GRB10: variants seen among roughly 807,000 people sequenced by gnomAD.
GRB10 encodes the protein growth factor receptor-bound protein 10.
A neutral mutation model predicts 80.9 loss-of-function variants in GRB10; 20 were observed. The ratio of observed to expected loss-of-function variants is 0.25; its 90% CI spans 0.17 to 0.36. The LOEUF (loss-of-function observed/expected upper bound fraction) is 0.36, where lower values mean the gene tolerates loss of function less well. Ranked by LOEUF, GRB10 falls within the 10% of genes least tolerant of loss-of-function variation. The pLI is 1.00. For missense variants in GRB10, 548 were observed against 747.7 expected (o/e 0.73, Z 3.12); for synonymous variants, 291 against 291.5 (o/e 1.00, Z 0.02).
upstream of GRB10, among the ~76,000 whole-genome samples, chr7:50,785,507 GT>G (rs1302159755): frequency 6.6e-6 from 1 of 152,216 alleles, no homozygotes; most frequent in African/African-American, 2.4e-5. Context: ...CTGGCCCATG[GT>G]GACGGGCACT....
intron 4 of GRB10, among the ~76,000 whole-genome samples, chr7:50,722,508 C>G (rs2067920719): frequency 6.6e-6 from 1 of 152,138 alleles, no homozygotes; most frequent in Non-Finnish European, 1.5e-5. Context: ...TCCCATCTGC[C>G]AGGAGAACAT....
intron 5 of GRB10, among the ~76,000 whole-genome samples, chr7:50,676,345 G>A (rs570716344): frequency 1.3e-5 from 2 of 149,140 alleles, no homozygotes; most frequent in Non-Finnish European, 3.0e-5. Context: ...CGGGGGGGGG[G>A]GGGGGTTGTA....
intron 2 of GRB10, among the ~76,000 whole-genome samples, chr7:50,757,030 C>T (rs1183073900): frequency 2.0e-5 from 3 of 152,130 alleles, no homozygotes; most frequent in Non-Finnish European, 4.4e-5. Flanking sequence ...AATTGTTAAA[C>T]GGTGAAAATG....
chr7:50,630,876 G>A (rs1055480420), intron 7 of GRB10, among the ~76,000 whole-genome samples: 6 of 152,154 alleles, frequency 3.9e-5, no homozygotes, highest in African/African-American at 1.4e-4. Flanking sequence ...GCTAATAGAA[G>A]GTTCCACTGT....
intron 7 of GRB10, among the ~76,000 whole-genome samples, chr7:50,644,733 C>T (rs1173166837): frequency 6.6e-6 from 1 of 152,174 alleles, no homozygotes; most frequent in Non-Finnish European, 1.5e-5. Context: ...GGGACATCAG[C>T]CTCTACACAG....
chr7:50,677,405 C>A (rs2061073284), intron 5 of GRB10, among the ~76,000 whole-genome samples: 1 of 152,256 alleles, frequency 6.6e-6, no homozygotes, highest in South Asian at 2.1e-4. Flanking sequence ...CTGAGCTACC[C>A]GAGGCCCAGA....
chr7:50,770,613 T>C (rs2076893097), intron 2 of GRB10, among the ~76,000 whole-genome samples: 1 of 152,206 alleles, frequency 6.6e-6, no homozygotes, highest in Non-Finnish European at 1.5e-5. Context: ...GTCCCTTGCA[T>C]TCCGTCGCGA....
Position 50,760,191 on chromosome 7 carries a change from C to T in GRB10, c.-216-4135G>A, listed in dbSNP as rs76091324. On this transcript the variant is annotated intron_variant, in intron 2 of 18. Coordinates refer to ENST00000401949, the MANE Select transcript of GRB10 (RefSeq NM_001350814.2). ...TAAAACTAGCCAAAGGCCAGCAGAGCGGTGAGAGGCAGGATAAATATACAT... is the reference window on the plus strand; with the variant it reads ...TAAAACTAGCCAAAGGCCAGCAGAGTGGTGAGAGGCAGGATAAATATACAT... Among the ~76,000 whole-genome samples the T allele has an allele frequency of 3.5e-3, 530 of 152,292 alleles. 1 individual carries two copies. The highest frequency in any genetic ancestry group is 0.012 in the African/African-American group (518 of 41,550).
intron 4 of GRB10, among the ~76,000 whole-genome samples, chr7:50,730,147 ACTTAAGT>A (rs1587600137): frequency 6.6e-6 from 1 of 152,174 alleles, no homozygotes; most frequent in African/African-American, 2.4e-5. Flanking sequence ...TAAAGGAAAA[ACTTAAGT>A]CTTAAAAGTG....
At chr7:50,604,267 A>T in intron 16 of GRB10, 44 bp downstream of exon 16, 2 of 1,537,060 alleles carry the variant, frequency 1.3e-6, no homozygotes, top group East Asian at 2.2e-5. Context: ...GTGCTGTTTG[A>T]TTTTCTTTAT....
intron 6 of GRB10, among the ~76,000 whole-genome samples, chr7:50,673,851 C>T (rs2060614136): frequency 6.6e-6 from 1 of 152,216 alleles, no homozygotes; most frequent in Non-Finnish European, 1.5e-5. Flanking sequence ...CCTCTGCCTC[C>T]ATCTATCTGA....
chr7:50,754,718 G>A (rs1024174969), intron 3 of GRB10, among the ~76,000 whole-genome samples: 2 of 152,164 alleles, frequency 1.3e-5, no homozygotes, highest in South Asian at 2.1e-4. Flanking sequence ...TGGATATGAG[G>A]GAAGGTGACC....
At chr7:50,707,772 G>T (rs1275220656) in intron 4 of GRB10, among the ~76,000 whole-genome samples, 1 of 152,178 alleles carries the variant, frequency 6.6e-6, no homozygotes, top group African/African-American at 2.4e-5. Context: ...GCACAGCCCT[G>T]CTCCAGGCCT....
chr7:50,601,618 T>C (rs2047614586), intron 17 of GRB10, among the ~76,000 whole-genome samples: 1 of 151,942 alleles, frequency 6.6e-6, no homozygotes, highest in Non-Finnish European at 1.5e-5. Flanking sequence ...TTGTATTATG[T>C]AATATAAAGT....
intron 7 of GRB10, among the ~76,000 whole-genome samples, chr7:50,630,240 G>A (rs1001201614): frequency 1.3e-5 from 2 of 152,180 alleles, no homozygotes; most frequent in Non-Finnish European, 2.9e-5. Flanking sequence ...CTTGGCCTGG[G>A]GTGGTGGTTC....
intron 13 of GRB10, among the ~76,000 whole-genome samples, chr7:50,607,481 G>C (rs1027735046): frequency 2.0e-5 from 3 of 152,134 alleles, no homozygotes; most frequent in African/African-American, 7.2e-5. Context: ...TGGAATAAGC[G>C]GGACAGTGAC....
chr7:50,613,508 G>C (rs981927192), intron 12 of GRB10, among the ~76,000 whole-genome samples: 1 of 152,192 alleles, frequency 6.6e-6, no homozygotes, highest in African/African-American at 2.4e-5. Flanking sequence ...AAACTGACCT[G>C]CATCTCCAGA....
intron 7 of GRB10, among the ~76,000 whole-genome samples, chr7:50,653,896 TAAGTGATTACAGACACTAATATA>T (rs1264435815): frequency 2.6e-5 from 4 of 152,214 alleles, no homozygotes; most frequent in African/African-American, 7.2e-5. Flanking sequence ...TCTTGAACTG[TAAGTGATTACAGACACTAATATA>T]AATCCAGCTA....
chr7:50,722,537 G>A (rs759466143), intron 4 of GRB10, among the ~76,000 whole-genome samples: 6 of 152,160 alleles, frequency 3.9e-5, no homozygotes, highest in Non-Finnish European at 8.8e-5. Flanking sequence ...GGGGCACATG[G>A]GCAGCAACAG....
Sources: gnomAD v4.1 joint callset for allele counts (sites outside exome capture counted in the v4.1 genomes callset) on GRCh38, gnomAD v4.1.1 for gene constraint, MANE v1.5 for transcripts, NCBI Gene and HGNC (gene_info 2026-07-23, HGNC 2026-07-21) for gene names.